Variants in RABGAP1 observed in about 807,000 individuals in gnomAD.
RABGAP1 encodes the protein rab GTPase-activating protein 1.
In RABGAP1, 23 loss-of-function variants were observed where a neutral mutation model predicts 137.6. The ratio of observed to expected loss-of-function variants is 0.17; its 90% CI spans 0.12 to 0.24. The LOEUF (loss-of-function observed/expected upper bound fraction) is 0.24. Among genes scored for constraint, RABGAP1 ranks in the 10% least tolerant of loss-of-function variants. The pLI is 1.00. For synonymous variants in RABGAP1, 451 were observed against 450.7 expected (o/e 1.00, Z -0.01); for missense variants, 906 against 1,275.8 (o/e 0.71, Z 4.42).
At chr9:123,080,236 A>G (rs1462587970) in intron 19 of RABGAP1, among the ~76,000 whole-genome samples, 7 of 152,110 alleles carry the variant, frequency 4.6e-5, no homozygotes, top group African/African-American at 1.7e-4. Flanking sequence ...GGCTGCCTTC[A>G]GTGTGTCTGC....
At chr9:123,095,281 T>G (rs1378601792) in intron 21 of RABGAP1, among the ~76,000 whole-genome samples, 2 of 149,134 alleles carry the variant, frequency 1.3e-5, no homozygotes, top group Non-Finnish European at 1.5e-5. Context: ...GAGTTTTCTC[T>G]GTTGTCTTGT....
chr9:122,960,329 A>C (rs539405090), intron 2 of RABGAP1, among the ~76,000 whole-genome samples: 1 of 152,348 alleles, frequency 6.6e-6, no homozygotes, highest in East Asian at 1.9e-4. Flanking sequence ...GGAATCAGAC[A>C]GCAATTAGTG....
intron 19 of RABGAP1, among the ~76,000 whole-genome samples, chr9:123,085,760 G>A (rs700073): frequency 0.98 from 148,860 of 152,348 alleles, 72,827 homozygotes; most frequent in East Asian, 1. Context: ...TGTGAAACGC[G>A]TTAGGAATTT....
intron 13 of RABGAP1, among the ~76,000 whole-genome samples, chr9:123,053,474 T>A (rs2033572032): frequency 6.6e-6 from 1 of 152,234 alleles, no homozygotes; most frequent in Non-Finnish European, 1.5e-5. Flanking sequence ...TTCCTTCTTT[T>A]GAATTTTTAT....
chr9:123,011,132 A>G (rs2030768936), intron 11 of RABGAP1, among the ~76,000 whole-genome samples: 1 of 152,064 alleles, frequency 6.6e-6, no homozygotes, highest in East Asian at 1.9e-4. Context: ...TCGTTTTCTA[A>G]TTTCTAACTT....
chr9:123,060,309 A>G (rs1311370007), intron 13 of RABGAP1, among the ~76,000 whole-genome samples: 1 of 152,178 alleles, frequency 6.6e-6, no homozygotes, highest in African/African-American at 2.4e-5. Flanking sequence ...TCCCACCCCC[A>G]GGTAACCATT....
At chr9:123,051,558 T>C (rs1206702072) in intron 13 of RABGAP1, among the ~76,000 whole-genome samples, 1 of 151,380 alleles carries the variant, frequency 6.6e-6, no homozygotes, top group Non-Finnish European at 1.5e-5. Flanking sequence ...CACCTTGGTT[T>C]TATGTTTAAG....
chr9:123,090,060 A>T (rs2132213173), intron 20 of RABGAP1, among the ~76,000 whole-genome samples: 1 of 152,356 alleles, frequency 6.6e-6, no homozygotes, highest in East Asian at 1.9e-4. Context: ...ACAGTTAACA[A>T]ATAGTAGGTG....
chr9:123,013,220 T>A (rs2030957390), intron 11 of RABGAP1, among the ~76,000 whole-genome samples: 1 of 152,082 alleles, frequency 6.6e-6, no homozygotes, highest in South Asian at 2.1e-4. Context: ...CCCCAAAGAG[T>A]TGTATTTGGT....
rs943992397 is a variant in RABGAP1, at chr9:123,103,410, C to G, written c.*197C>G. 3 of 714,098 alleles carry G rather than the reference C, an allele frequency of 4.2e-6. No individual in the cohort carries two copies. Among genetic ancestry groups the G allele is most frequent in the East Asian group, 3.3e-5 (1 of 29,918 alleles). The allele number at this position is 714,098 out of a possible 1,614,324, so 44.2% of individuals were successfully genotyped here. On this transcript the variant is annotated 3_prime_UTR_variant, in exon 26 of 26. Coordinates refer to ENST00000373647, the MANE Select transcript of RABGAP1 (RefSeq NM_012197.4). ...GGGTAAGACTACTGATACTAACAGG[C>G]CTGCTAGCTCAGCCGACGCTCTGGA...
intron 13 of RABGAP1, chr9:123,029,386 T>C (rs2032172099): frequency 2.2e-6 from 3 of 1,343,366 alleles, no homozygotes; most frequent in Non-Finnish European, 3.2e-6. Flanking sequence ...TTCATGCATC[T>C]TCACCAGCAG....
chr9:123,052,732 C>T (rs1301626286), intron 13 of RABGAP1, among the ~76,000 whole-genome samples: 1 of 152,092 alleles, frequency 6.6e-6, no homozygotes, highest in African/African-American at 2.4e-5. Context: ...GAGTTCGAGA[C>T]CAGCCTGGCC....
At chr9:122,935,892 A>G (rs1421600272), upstream of RABGAP1, among the ~76,000 whole-genome samples, 1 of 152,058 alleles carries the variant, frequency 6.6e-6, no homozygotes, top group Non-Finnish European at 1.5e-5. Context: ...TTATCAGGGA[A>G]TGTCTTAACT....
chr9:123,042,549 A>T lies in RABGAP1; in HGVS notation c.1794+22090A>T, dbSNP rs1588320513. Among the ~76,000 whole-genome samples the T allele has an allele frequency of 3.9e-5, 6 of 152,358 alleles. No homozygotes were observed. In the South Asian group the frequency reaches 1.0e-3, roughly 26 times the overall value. ...GAGTGCAGTAAAAATGAATAGGAAG[A>T]GAACAAGAAAGAACTCTTGCAATTT... is the stretch of plus-strand genomic sequence containing the variant. On this transcript the variant is annotated intron_variant, in intron 13 of 25. Transcript: ENST00000373647.
At chr9:122,976,975 G>C (rs889642320) in intron 2 of RABGAP1, among the ~76,000 whole-genome samples, 1 of 152,166 alleles carries the variant, frequency 6.6e-6, no homozygotes, top group African/African-American at 2.4e-5. Context: ...GAAAGTTTAT[G>C]GTGGGTCCTG....
chr9:122,932,946 G>A, the RABGAP1 span, among the ~76,000 whole-genome samples: 3 of 152,330 alleles, frequency 2.0e-5, no homozygotes, highest in Middle Eastern at 3.4e-3. Flanking sequence ...GGTCCGAGAA[G>A]ATACTTTGTA....
At chr9:122,947,705 C>T (rs1238568568) in intron 1 of RABGAP1, among the ~76,000 whole-genome samples, 1 of 152,030 alleles carries the variant, frequency 6.6e-6, no homozygotes, top group African/African-American at 2.4e-5. Context: ...GTTTTTCTTG[C>T]CTTTAAGTGC....
chr9:123,006,921 T>C (rs1423921855), intron 10 of RABGAP1, among the ~76,000 whole-genome samples: 1 of 152,158 alleles, frequency 6.6e-6, no homozygotes, highest in Non-Finnish European at 1.5e-5. Flanking sequence ...GTGTAGACTT[T>C]ATAATATGTT....
At chr9:123,055,419 A>G (rs1260116971) in intron 13 of RABGAP1, among the ~76,000 whole-genome samples, 3 of 151,724 alleles carry the variant, frequency 2.0e-5, no homozygotes, top group African/African-American at 7.3e-5. Context: ...TTTTGTAGAG[A>G]TGGCATTTCA....
Sources: allele counts gnomAD v4.1 joint callset (sites outside exome capture counted in the v4.1 genomes callset), GRCh38; gene constraint gnomAD v4.1.1; transcripts MANE v1.5; gene names NCBI Gene and HGNC (gene_info 2026-07-23, HGNC 2026-07-21).